Variants in LDLRAD4 observed in about 807,000 individuals in gnomAD.
LDLRAD4 encodes low-density lipoprotein receptor class A domain-containing protein 4.
In LDLRAD4, 5 loss-of-function variants were observed where a neutral mutation model predicts 17.0. The observed-to-expected ratio is 0.29, with a 90% confidence interval of 0.15 to 0.62. The LOEUF is 0.62. Ranked by LOEUF, LDLRAD4 falls within the 20% of genes least tolerant of loss-of-function variation. The probability of loss-of-function intolerance (pLI) is 0.84; values close to 1 mark genes in which losing one functional copy is unlikely to be tolerated. For missense variants in LDLRAD4, 340 were observed against 424.7 expected (o/e 0.80, Z 1.75); for synonymous variants, 168 against 171.8 (o/e 0.98, Z 0.17).
At chr18:13,584,453 T>C (rs993865019) in intron 3 of LDLRAD4, among the ~76,000 whole-genome samples, 2 of 152,200 alleles carry the variant, frequency 1.3e-5, no homozygotes, top group African/African-American at 2.4e-5. Context: ...CTATCTGCTA[T>C]CTGTCTCCTC....
At chr18:13,407,260 T>G (rs2087854597) in intron 2 of LDLRAD4, among the ~76,000 whole-genome samples, 1 of 152,226 alleles carries the variant, frequency 6.6e-6, no homozygotes. Context: ...CCAGAGCTTC[T>G]CTCATCTCAT....
At chr18:13,486,078 G>A (rs1303619979) in intron 3 of LDLRAD4, among the ~76,000 whole-genome samples, 1 of 152,210 alleles carries the variant, frequency 6.6e-6, no homozygotes, top group Non-Finnish European at 1.5e-5. Flanking sequence ...AATTGCTCAT[G>A]GTTGTGGGGT....
At chr18:13,240,497 G>A (rs1039258083) in intron 1 of LDLRAD4, 4 of 152,296 alleles carry the variant, frequency 2.6e-5, no homozygotes, top group Non-Finnish European at 5.9e-5. Flanking sequence ...CTCCAAGACA[G>A]CGTCAGCACC....
At chr18:13,330,018 C>T (rs545161058) in intron 1 of LDLRAD4, among the ~76,000 whole-genome samples, 4 of 151,736 alleles carry the variant, frequency 2.6e-5, no homozygotes, top group South Asian at 2.1e-4. Flanking sequence ...TGCAGTGGCG[C>T]GATCTCCGCT....
chr18:13,498,257 G>A (rs2093519213), intron 3 of LDLRAD4, among the ~76,000 whole-genome samples: 1 of 147,520 alleles, frequency 6.8e-6, no homozygotes, highest in Non-Finnish European at 1.5e-5. Flanking sequence ...CGTGGACACT[G>A]GAGAATCCTT....
intron 1 of LDLRAD4, among the ~76,000 whole-genome samples, chr18:13,344,644 T>C (rs941716734): frequency 6.6e-5 from 10 of 152,248 alleles, no homozygotes; most frequent in African/African-American, 9.6e-5. Flanking sequence ...TTGATGGGGA[T>C]GGCATTGAAT....
intron 1 of LDLRAD4, among the ~76,000 whole-genome samples, chr18:13,377,314 G>GA (rs1431522448): frequency 6.6e-6 from 1 of 152,200 alleles, no homozygotes; most frequent in Non-Finnish European, 1.5e-5. Flanking sequence ...AACATGAACT[G>GA]ACTAGGCTGC....
At chr18:13,287,230 A>G (rs1237412006) in intron 1 of LDLRAD4, among the ~76,000 whole-genome samples, 8 of 152,198 alleles carry the variant, frequency 5.3e-5, no homozygotes, top group African/African-American at 1.4e-4. Context: ...TTTCTATGAA[A>G]TACTGTCCCA....
chr18:13,429,298 C>T (rs963116904), intron 2 of LDLRAD4, among the ~76,000 whole-genome samples: 1 of 152,124 alleles, frequency 6.6e-6, no homozygotes, highest in African/African-American at 2.4e-5. Context: ...AGGGGAGAAT[C>T]AGAAATTAGA....
chr18:13,297,300 T>C (rs979360294), intron 1 of LDLRAD4, among the ~76,000 whole-genome samples: 1 of 152,158 alleles, frequency 6.6e-6, no homozygotes. Context: ...TAGCACCGTT[T>C]GGTGTTTTCT....
intron 2 of LDLRAD4, among the ~76,000 whole-genome samples, chr18:13,400,749 T>C (rs1253829897): frequency 6.6e-6 from 1 of 152,126 alleles, no homozygotes; most frequent in African/African-American, 2.4e-5. Context: ...TTGCTGTTGG[T>C]GTAGGGATGA....
rs187715818 is a variant in LDLRAD4 at position 13,348,772 on chromosome 18, C to T, written c.-382-38569C>T. Reference sequence around the variant, plus strand: ...TTACCTACTCAAGCCTCAGCAATGGCGGGCGCCCCTCCCCTAGCCTCGCTG... The same window carrying T: ...TTACCTACTCAAGCCTCAGCAATGGTGGGCGCCCCTCCCCTAGCCTCGCTG... On this transcript the variant is annotated intron_variant, in intron 1 of 5. Coordinates refer to ENST00000359446, the Ensembl canonical transcript of LDLRAD4. Among the ~76,000 whole-genome samples the T allele has an allele frequency of 1.7e-3, 264 of 152,308 alleles. 2 individuals carry two copies. Among genetic ancestry groups the T allele is most frequent in the African/African-American group, 5.8e-3 (243 of 41,578 alleles).
chr18:13,545,262 C>T (rs985907041), intron 3 of LDLRAD4, among the ~76,000 whole-genome samples: 1 of 152,162 alleles, frequency 6.6e-6, no homozygotes. Flanking sequence ...TTGACCACAT[C>T]ATTGAGCTGC....
intron 1 of LDLRAD4, among the ~76,000 whole-genome samples, chr18:13,230,601 C>T (rs939151327): frequency 9.4e-5 from 10 of 106,266 alleles, no homozygotes; most frequent in East Asian, 3.0e-4. Flanking sequence ...GGCCCACAGG[C>T]GGGCAGTGGG....
At chr18:13,570,055 A>G (rs2094664788) in intron 3 of LDLRAD4, among the ~76,000 whole-genome samples, 1 of 152,122 alleles carries the variant, frequency 6.6e-6, no homozygotes, top group South Asian at 2.1e-4. Flanking sequence ...GTTGTATTTT[A>G]TTTTGCAGGT....
At chr18:13,365,102 G>A (rs1020569138) in intron 1 of LDLRAD4, among the ~76,000 whole-genome samples, 30 of 152,216 alleles carry the variant, frequency 2.0e-4, no homozygotes, top group African/African-American at 7.0e-4. Context: ...AAAGGTGAAC[G>A]TAGCTAGGAG....
At chr18:13,496,623 C>T (rs528821048) in intron 3 of LDLRAD4, among the ~76,000 whole-genome samples, 144 of 152,270 alleles carry the variant, frequency 9.5e-4, no homozygotes, top group Non-Finnish European at 1.6e-3. Flanking sequence ...AACTGGGTCA[C>T]GTCATTTGAT....
chr18:13,262,306 CT>C (rs2043896184), intron 1 of LDLRAD4, among the ~76,000 whole-genome samples: 2 of 132,458 alleles, frequency 1.5e-5, no homozygotes, highest in Admixed American at 7.2e-5. Context: ...TCCCGTGTGG[CT>C]CTGTGTGTGT....
intron 3 of LDLRAD4, chr18:13,542,854 G>A (rs982985330): frequency 2.6e-5 from 4 of 152,184 alleles, no homozygotes; most frequent in Non-Finnish European, 5.9e-5. Flanking sequence ...GGGGCCACTC[G>A]TGTGTGAGCA....
Sources: gnomAD v4.1 joint callset for allele counts (sites outside exome capture counted in the v4.1 genomes callset) on GRCh38, gnomAD v4.1.1 for gene constraint, MANE v1.5 for transcripts, NCBI Gene and HGNC (gene_info 2026-07-23, HGNC 2026-07-21) for gene names.